The following MAP3K21 variants were observed in gnomAD, a reference collection of about 807,000 sequenced individuals.
The protein encoded by MAP3K21 is mitogen-activated protein kinase kinase kinase 21.
MAP3K21 carries 63 observed loss-of-function variants against 86.1 expected under a neutral mutation model. That is an observed-to-expected ratio of 0.73 (90% CI 0.60 to 0.90). The LOEUF is 0.90. Among genes scored for constraint, MAP3K21 ranks in the 40% least tolerant of loss-of-function variants. The pLI is 0.00. For synonymous variants in MAP3K21, 558 were observed against 564.8 expected (o/e 0.99, Z 0.17); for missense variants, 1,220 against 1,367.7 (o/e 0.89, Z 1.70).
intron 9 of MAP3K21, 64 bp from the exon 10 acceptor site, chr1:233,382,241 G>C (rs889913507): frequency 1.5e-6 from 2 of 1,336,408 alleles, no homozygotes; most frequent in Admixed American, 4.4e-5. Flanking sequence ...TATTTTTCTT[G>C]ATATTCATTG....
chr1:233,333,908 G>A (rs935211271), intron 1 of MAP3K21, among the ~76,000 whole-genome samples: 10 of 152,186 alleles, frequency 6.6e-5, no homozygotes, highest in Admixed American at 5.2e-4. Context: ...CTGTCCCCAG[G>A]CTGGAGTGCA....
At chr1:233,335,382 G>A (rs563309223) in intron 1 of MAP3K21, among the ~76,000 whole-genome samples, 1 of 152,000 alleles carries the variant, frequency 6.6e-6, no homozygotes, top group Non-Finnish European at 1.5e-5. Context: ...GCAAAACCAC[G>A]ATTACTTGTA....
chr1:233,374,276 A>G (rs1663744649), intron 6 of MAP3K21: 1 of 152,000 alleles, frequency 6.6e-6, no homozygotes, highest in African/African-American at 2.4e-5. Flanking sequence ...CCTGGGTTCA[A>G]GTGATTCTCC....
chr1:233,379,009 C>G lies in MAP3K21; in HGVS notation c.2003C>G (p.Ala668Gly), dbSNP rs1426728207. 2 of 1,614,166 alleles carry G rather than the reference C, an allele frequency of 1.2e-6. No individual in the cohort carries two copies. The highest frequency in any genetic ancestry group is 1.1e-5 in the South Asian group (1 of 91,084). Residue 668 changes from alanine to glycine, a missense_variant, in exon 9 of 10, where the codon GCC becomes GGC. Ala to Gly is a moderately conservative substitution (Grantham distance 60). Around this residue, in one of 5 missense-constraint regions of MAP3K21, gnomAD observed 632 missense variants for 691.3 expected, o/e 0.91. Coordinates refer to ENST00000366624, the MANE Select transcript of MAP3K21 (RefSeq NM_032435.3). ...KPKQIKLPSQ[A>G]YIDLPLGKDA... ...AAACAAATAAAATTGCCTAGTCAGG[C>G]CTACATTGATCTACCTCTTGGGAAA...
chr1:233,354,885 C>A lies in MAP3K21; in HGVS notation c.1185C>A (p.Leu395=), dbSNP rs750139290. 2 of 1,614,000 alleles carry A rather than the reference C, an allele frequency of 1.2e-6. No homozygotes were observed. The highest frequency in any genetic ancestry group is 2.2e-5 in the South Asian group (2 of 91,058). ...PHIRPSFALI[L]EQLTAIEGAV... Reference sequence around the variant, plus strand: ...TTCGTCCATCGTTTGCCTTAATTCTCGAACAGTTGACTGCTATTGAAGGGG... The same window carrying A: ...TTCGTCCATCGTTTGCCTTAATTCTAGAACAGTTGACTGCTATTGAAGGGG... Residue 395 remains leucine (L), a synonymous_variant, in exon 4 of 10, where the codon CTC becomes CTA. Coordinates refer to ENST00000366624, the MANE Select transcript of MAP3K21 (RefSeq NM_032435.3).
intron 1 of MAP3K21, among the ~76,000 whole-genome samples, chr1:233,343,159 C>T (rs777078415): frequency 6.6e-6 from 1 of 152,132 alleles, no homozygotes; most frequent in Non-Finnish European, 1.5e-5. Flanking sequence ...AAATGTTTGA[C>T]AATGTAATAC....
chr1:233,350,094 A>G (rs1479485592), intron 2 of MAP3K21, among the ~76,000 whole-genome samples: 1 of 152,142 alleles, frequency 6.6e-6, no homozygotes, highest in Non-Finnish European at 1.5e-5. Context: ...CCCTGATATA[A>G]AAAGGCATAG....
intron 1 of MAP3K21, among the ~76,000 whole-genome samples, chr1:233,333,967 A>G (rs1662863015): frequency 6.6e-6 from 1 of 152,074 alleles, no homozygotes; most frequent in Admixed American, 6.5e-5. Flanking sequence ...GGTTCACGCC[A>G]TTCTCCTGCC....
At chr1:233,350,481 A>T (rs1362748142) in intron 2 of MAP3K21, among the ~76,000 whole-genome samples, 1 of 152,168 alleles carries the variant, frequency 6.6e-6, no homozygotes, top group East Asian at 1.9e-4. Context: ...ATTGCTGTAA[A>T]GTCTCTTTCG....
chr1:233,351,652 G>A (rs1165470374), intron 2 of MAP3K21, among the ~76,000 whole-genome samples: 2 of 150,004 alleles, frequency 1.3e-5, no homozygotes, highest in African/African-American at 2.5e-5. Flanking sequence ...AGCTGAGATC[G>A]CGCCATTGCA....
intron 5 of MAP3K21, among the ~76,000 whole-genome samples, chr1:233,366,687 G>A (rs982029910): frequency 6.6e-6 from 1 of 152,184 alleles, no homozygotes; most frequent in African/African-American, 2.4e-5. Flanking sequence ...CCTCCAAGCT[G>A]ACCTTTAATA....
In MAP3K21 at chr1:233,379,357, G is replaced by A. The variant is rs1209428117; in HGVS notation, c.2351G>A (p.Cys784Tyr). 1 of 1,614,060 alleles carries A rather than the reference G, an allele frequency of 6.2e-7. No individual in the cohort carries two copies. The highest frequency in any genetic ancestry group is 8.5e-7 in the Non-Finnish European group (1 of 1,180,032). ...CCTCCCACAAGCCTGCCATCCACCT[G>A]TGGGGAGGCCAGCAGCCCACCCTCC... ...ASPPTSLPST[C>Y]GEASSPPSLP... Residue 784 changes from cysteine (C) to tyrosine (Y), a missense_variant, in exon 9 of 10, where the codon TGT (cysteine) becomes TAT (tyrosine). This residue lies in a region of MAP3K21 where 632 missense variants were observed against 691.3 expected (regional missense o/e 0.91). Coordinates refer to ENST00000366624, the MANE Select transcript of MAP3K21 (RefSeq NM_032435.3).
At chr1:233,347,749 G>A (rs189431712) in intron 2 of MAP3K21, among the ~76,000 whole-genome samples, 82 of 152,202 alleles carry the variant, frequency 5.4e-4, no homozygotes, top group Non-Finnish European at 9.6e-4. Flanking sequence ...GGAAGGAGCG[G>A]GGAAAGGGCT....
chr1:233,330,387 CA>C (rs1296315373), intron 1 of MAP3K21, among the ~76,000 whole-genome samples: 2 of 152,126 alleles, frequency 1.3e-5, no homozygotes, highest in African/African-American at 4.8e-5. Context: ...AACTGTGTTA[CA>C]GTAAAAACAG....
At chr1:233,348,074 C>T (rs1663184114) in intron 2 of MAP3K21, among the ~76,000 whole-genome samples, 1 of 152,116 alleles carries the variant, frequency 6.6e-6, no homozygotes, top group African/African-American at 2.4e-5. Flanking sequence ...GTGTGTCCAT[C>T]ATCCCAGTTG....
At chr1:233,367,586 G>C (rs116640816) in intron 5 of MAP3K21, among the ~76,000 whole-genome samples, 2 of 152,160 alleles carry the variant, frequency 1.3e-5, no homozygotes, top group African/African-American at 4.8e-5. Context: ...TTGGCTGGGC[G>C]TGGTGGCTCA....
intron 2 of MAP3K21, among the ~76,000 whole-genome samples, chr1:233,349,441 C>T (rs978367193): frequency 1.3e-5 from 2 of 152,054 alleles, no homozygotes; most frequent in East Asian, 1.9e-4. Context: ...ACCAGGTATA[C>T]GAATGCTGTG....
intron 9 of MAP3K21, 128 bp from the exon 10 acceptor site, chr1:233,382,176 GT>G (rs1663929998): frequency 7.2e-6 from 6 of 828,732 alleles, no homozygotes; most frequent in South Asian, 1.8e-5. Context: ...GTGAATGCAT[GT>G]TTTTTGTTGA....
Position 233,375,967 on chromosome 1 carries a change from A to G in MAP3K21, c.1727A>G (p.Gln576Arg). The G allele has an allele frequency of 2.5e-6, 4 of 1,609,622 alleles. No individual in the cohort carries two copies. The highest frequency in any genetic ancestry group is 3.4e-6 in the Non-Finnish European group (4 of 1,178,786). ...TGGGGAAGGAACACAGTCTTTCGAC[A>G]AGAAGAATTTGAGGATGTAAAAAGG... ...KTWGRNTVFR[Q>R]EEFEDVKRNF... Residue 576 changes from glutamine (Q) to arginine (R), a missense_variant, in exon 7 of 10, where the codon CAA becomes CGA. Coordinates refer to ENST00000366624, the MANE Select transcript of MAP3K21 (RefSeq NM_032435.3).
Sources: gnomAD v4.1 joint callset for allele counts (sites outside exome capture counted in the v4.1 genomes callset) on GRCh38, gnomAD v4.1.1 for gene constraint, gnomAD v4.1.1 regional missense constraint, MANE v1.5 for transcripts, NCBI Gene and HGNC (gene_info 2026-07-23, HGNC 2026-07-21) for gene names.